Variants in OGT observed in about 807,000 individuals in gnomAD.
OGT encodes the protein UDP-N-acetylglucosamine--peptide N-acetylglucosaminyltransferase 110 kDa subunit.
A neutral mutation model predicts 75.8 loss-of-function variants in OGT; 3 were observed. The ratio of observed to expected loss-of-function variants is 0.04; its 90% CI spans 0.02 to 0.10. The LOEUF is 0.10. Ranked by LOEUF, OGT falls within the 10% of genes least tolerant of loss-of-function variation. The pLI, the probability that OGT is intolerant of heterozygous loss-of-function variation, is 1.00. For synonymous variants in OGT, 257 were observed against 289.7 expected (o/e 0.89, Z 1.15); for missense variants, 260 against 824.4 (o/e 0.32, Z 8.38).
At chrX:71,560,275 CAAAAAAAAA>C (rs764918597) in intron 14 of OGT, among the ~76,000 whole-genome samples, 1 of 45,848 alleles carries the variant, frequency 2.2e-5, no homozygotes, top group African/African-American at 7.6e-5. Context: ...GACTCTGTCT[CAAAAAAAAA>C]AAAAAAAAAA....
intron 5 of OGT, among the ~76,000 whole-genome samples, chrX:71,553,880 G>A (rs1368107007): frequency 1.8e-5 from 2 of 111,870 alleles, no homozygotes; most frequent in East Asian, 5.6e-4. Flanking sequence ...TAAAAGATCT[G>A]AATATCCTGA....
At chrX:71,546,710 G>T in intron 4 of OGT, 1 of 751,399 alleles carries the variant, frequency 1.3e-6, no homozygotes, top group Non-Finnish European at 1.6e-6. Context: ...AACTCTTCTT[G>T]TTGTTCATTT....
chrX:71,546,819 G>A lies in OGT; in HGVS notation c.532-1088G>A, dbSNP rs1175296574. 19 of 753,630 alleles carry A rather than the reference G, an allele frequency of 2.5e-5. No individual in the cohort carries two copies. The Middle Eastern group carries it at 3.8e-3, about 150-fold the overall frequency. 62.1% of individuals were successfully genotyped at this position (753,630 alleles called of 1,213,427 possible). A position where few individuals can be genotyped will look rare whatever the true frequency, so the allele number is the denominator to read the frequency against. ...CGCAAAGGCTGCGCAGCGTTAATGC[G>A]CATTGCGTGCGAATGAACCCCTGTG... is the stretch of plus-strand genomic sequence containing the variant. On this transcript the variant is annotated intron_variant, in intron 4 of 21. Transcript: ENST00000373719.
intron 3 of OGT, among the ~76,000 whole-genome samples, chrX:71,540,025 C>T (rs1287125308): frequency 8.9e-6 from 1 of 112,318 alleles, no homozygotes; most frequent in Non-Finnish European, 1.9e-5. Context: ...TTGTACCCTA[C>T]CAAGGAAGTG....
At chrX:71,568,169 C>T in intron 21 of OGT, 53 bp downstream of exon 21, 1 of 1,051,883 alleles carries the variant, frequency 9.5e-7, no homozygotes, top group African/African-American at 1.9e-5. Flanking sequence ...GAGAATATAG[C>T]TGTTATAAAA....
rs760610110 is a variant in OGT at position 71,554,807 on chromosome X, A to G, written c.728+215A>G. Among the ~76,000 whole-genome samples, 6 of 111,945 alleles carry G rather than the reference A, an allele frequency of 5.4e-5. No homozygotes were observed. In the South Asian group the frequency reaches 1.8e-3, roughly 34 times the overall value. On this transcript the variant is annotated intron_variant, in intron 6 of 21. Transcript: ENST00000373719. Reference sequence around the variant, plus strand: ...TTTCCTCAAAGCCGTTATCCTTCTCATTGGGAGTTTAGTTGAAATTTTTTT... The same window carrying G: ...TTTCCTCAAAGCCGTTATCCTTCTCGTTGGGAGTTTAGTTGAAATTTTTTT...
At chrX:71,571,456 A>G (rs1393106985) in intron 21 of OGT, among the ~76,000 whole-genome samples, 2 of 112,404 alleles carry the variant, frequency 1.8e-5, no homozygotes, top group Admixed American at 9.4e-5. Context: ...GCTGGAGTAC[A>G]GTGATACGAT....
intron 3 of OGT, among the ~76,000 whole-genome samples, chrX:71,538,409 C>G (rs751125838): frequency 8.9e-6 from 1 of 112,000 alleles, no homozygotes; most frequent in Non-Finnish European, 1.9e-5. Flanking sequence ...AATTGATTTT[C>G]AAGGAATGGT....
rs1387406241 is a variant in OGT at position 71,565,051 on chromosome X, C to T, written c.2589+298C>T. Among the ~76,000 whole-genome samples, 7 of 111,490 alleles carry T rather than the reference C, an allele frequency of 6.3e-5. 1 individual carries two copies. The highest frequency in any genetic ancestry group is 3.8e-4 in the South Asian group (1 of 2,650). On this transcript the variant is annotated intron_variant, in intron 19 of 21. Coordinates refer to ENST00000373719, the MANE Select transcript of OGT (RefSeq NM_181672.3). The stretch of plus-strand genomic sequence containing the variant: ...GTAGGCACCTGTAATCCCAGCTACT[C>T]GGGAGGCTGAGACAGGAGAATCACT...
intron 1 of OGT, 44 bp downstream of exon 1, chrX:71,533,380 C>G: frequency 9.0e-7 from 1 of 1,108,230 alleles, no homozygotes; most frequent in Non-Finnish European, 1.2e-6. Flanking sequence ...CCCTTGGGGT[C>G]TCGCGCCGTC....
chrX:71,555,960 G>A lies in OGT; in HGVS notation c.931G>A (p.Glu311Lys). Reference protein sequence around the residue: ...NALKEKGSVAEAEDCYNTALR... With the variant: ...NALKEKGSVAKAEDCYNTALR... The stretch of plus-strand genomic sequence containing the variant: ...ACTTTGTTTTGTTTTCTAGGTTGCT[G>A]AAGCAGAAGATTGTTATAATACAGC... The change falls in exon 8 of 22, where the codon GAA becomes AAA. Residue 311 changes from glutamate to lysine, a missense_variant. Glu to Lys is a moderately conservative substitution (Grantham distance 56). Around this residue, in one of 6 missense-constraint regions of OGT, gnomAD observed 99 missense variants for 417.9 expected, o/e 0.24. Coordinates refer to ENST00000373719, the MANE Select transcript of OGT (RefSeq NM_181672.3). 1 of 1,210,628 alleles carries A rather than the reference G, an allele frequency of 8.3e-7. No individual in the cohort carries two copies.
At position 71,557,232 on chromosome X, in the gene OGT, G is replaced by A; in HGVS notation, c.1358G>A (p.Arg453His). 1 of 1,206,872 alleles carries A rather than the reference G, an allele frequency of 8.3e-7. No homozygotes were observed. The highest frequency in any genetic ancestry group is 1.7e-5 in the African/African-American group (1 of 57,484). The part of the protein sequence containing the change: ...GNIPEAIASY[R>H]TALKLKPDFP... ...ATTCCAGAAGCCATAGCTTCTTACC[G>A]CACGGCTCTGAAACTTAAGCCTGAT... The change falls in exon 11 of 22, where the codon CGC (arginine) becomes CAC (histidine). Residue 453 changes from arginine to histidine, a missense_variant. Transcript: ENST00000373719.
chrX:71,571,717 G>A (rs889351706), intron 21 of OGT, among the ~76,000 whole-genome samples: 1 of 111,028 alleles, frequency 9.0e-6, no homozygotes, highest in Non-Finnish European at 1.9e-5. Context: ...CTTTTGAGGC[G>A]GAAGTTATAT....
chrX:71,540,630 A>T lies in OGT; in HGVS notation c.462+2558A>T, dbSNP rs1005133262. On this transcript the variant is annotated intron_variant, in intron 3 of 21. Transcript: ENST00000373719. ...TTCTGAATTATCTTCTATAATTATAATGTTGGGTGTTTTCATAATTTTGGT... is the reference window on the plus strand; with the variant it reads ...TTCTGAATTATCTTCTATAATTATATTGTTGGGTGTTTTCATAATTTTGGT... Among the ~76,000 whole-genome samples, 4 of 109,855 alleles carry T rather than the reference A, an allele frequency of 3.6e-5. No homozygotes were observed. In the Admixed American group the frequency reaches 3.9e-4, roughly 11 times the overall value.
intron 3 of OGT, among the ~76,000 whole-genome samples, chrX:71,543,481 A>G (rs2040234415): frequency 9.0e-6 from 1 of 110,724 alleles, no homozygotes; most frequent in East Asian, 2.8e-4. Flanking sequence ...TCACCCACTC[A>G]ACTCTAATGG....
rs1310820543 is a variant in OGT at position 71,547,694 on chromosome X, T to TGGCGCA, written c.532-204_532-199dup. ...ATGGTGGTTTGCACTTGGGTTCTGG[T>TGGCGCA]GGCGCAGGCGCAGGAGCAGCCAGCT... On this transcript the variant is annotated intron_variant, in intron 4 of 21. Transcript: ENST00000373719. The TGGCGCA allele has an allele frequency of 4.7e-6, 5 of 1,053,678 alleles. No homozygotes were observed. The East Asian group carries it at 1.8e-4, about 39-fold the overall frequency. The allele number at this position is 1,053,678 out of a possible 1,213,427, so 86.8% of individuals were successfully genotyped here. A position where few individuals can be genotyped will look rare whatever the true frequency, so the allele number is the denominator to read the frequency against.
chrX:71,564,264 T>G (rs1212748310), intron 18 of OGT, among the ~76,000 whole-genome samples: 3 of 112,111 alleles, frequency 2.7e-5, no homozygotes, highest in Non-Finnish European at 5.6e-5. Context: ...GAGACACTCT[T>G]GGGAGAAGAG....
In OGT at chrX:71,537,841, T is replaced by C. The variant is rs780294053; in HGVS notation, c.231T>C (p.Phe77=). The change falls in exon 3 of 22, where the codon TTT becomes TTC. Residue 77 remains phenylalanine, a synonymous_variant. Transcript: ENST00000373719. The stretch of plus-strand genomic sequence containing the variant: ...TCGCCTTTTCCAGATCTGCTCACTT[T>C]AGCACTCTGGCAATTAAACAGAACC... The part of the protein sequence containing the change: ...QCRRLDRSAH[F]STLAIKQNPL... 3 of 1,210,331 alleles carry C rather than the reference T, an allele frequency of 2.5e-6. No homozygotes were observed. The highest frequency in any genetic ancestry group is 3.5e-5 in the African/African-American group (2 of 57,377).
At chrX:71,538,120 G>A in intron 3 of OGT, 48 bp downstream of exon 3, 1 of 1,170,024 alleles carries the variant, frequency 8.5e-7, no homozygotes, top group Non-Finnish European at 1.2e-6. Flanking sequence ...AACCCAGAAA[G>A]AAACATAGTG....
Sources: gnomAD v4.1 joint callset for allele counts (sites outside exome capture counted in the v4.1 genomes callset) on GRCh38, gnomAD v4.1.1 for gene constraint, gnomAD v4.1.1 regional missense constraint, MANE v1.5 for transcripts, NCBI Gene and HGNC (gene_info 2026-07-23, HGNC 2026-07-21) for gene names.